The following AP3B1 variants were observed in gnomAD, a reference collection of about 807,000 sequenced individuals.
AP3B1 encodes adaptor related protein complex 3 subunit beta 1.
In AP3B1, 61 loss-of-function variants were observed where a neutral mutation model predicts 132.5. That is an observed-to-expected ratio of 0.46 (90% CI 0.37 to 0.57). AP3B1 has a LOEUF of 0.57. AP3B1 is among the 20% of genes least tolerant of loss of function. AP3B1 has a pLI of 0.00. For missense variants in AP3B1, 1,120 were observed against 1,289.4 expected, an observed-to-expected ratio of 0.87 and a Z score of 2.01; for synonymous variants, 388 against 438.3, an observed-to-expected ratio of 0.89 and a Z score of 1.43.
rs1206367166 is a variant in AP3B1 at position 78,141,202 on chromosome 5, G to C, written c.1591C>G (p.Leu531Val). ...AGATTTAATATCTGCAGTTTTACCAGATCATCTTCACTAGTGAAGCTTTTA... is the reference window on the plus strand; with the variant it reads ...AGATTTAATATCTGCAGTTTTACCACATCATCTTCACTAGTGAAGCTTTTA... The part of the protein sequence containing the change: ...MAKSFTSEDD[L>V]VKLQILNLGA... The change falls in exon 15 of 27, where the codon CTG (leucine) becomes GTG (valine). Residue 531 changes from leucine to valine, a missense_variant. Around this residue, in one of 3 missense-constraint regions of AP3B1, gnomAD observed 906 missense variants for 997.1 expected, o/e 0.91. Coordinates refer to ENST00000255194, the MANE Select transcript of AP3B1 (RefSeq NM_003664.5). The C allele has an allele frequency of 6.2e-7, 1 of 1,613,834 alleles. No homozygotes were observed. The highest frequency in any genetic ancestry group is 8.5e-7 in the Non-Finnish European group (1 of 1,179,796).
At chr5:78,118,878 C>T (rs1454253201) in intron 17 of AP3B1, among the ~76,000 whole-genome samples, 2 of 152,228 alleles carry the variant, frequency 1.3e-5, no homozygotes, top group South Asian at 2.1e-4. Flanking sequence ...ACTGCCTCCT[C>T]AAGTGGGTCC....
chr5:78,188,613 T>C (rs756176693), intron 7 of AP3B1, among the ~76,000 whole-genome samples: 5 of 152,190 alleles, frequency 3.3e-5, no homozygotes, highest in Non-Finnish European at 7.3e-5. Flanking sequence ...ATAGGAATGC[T>C]TTTACACTGT....
intron 14 of AP3B1, among the ~76,000 whole-genome samples, chr5:78,145,166 A>G (rs965076965): frequency 6.6e-6 from 1 of 152,262 alleles, no homozygotes; most frequent in African/African-American, 2.4e-5. Flanking sequence ...TTTAAACTTT[A>G]GTTTTTATAT....
chr5:78,074,155 A>T (rs545403595), intron 22 of AP3B1, among the ~76,000 whole-genome samples: 1 of 152,316 alleles, frequency 6.6e-6, no homozygotes, highest in African/African-American at 2.4e-5. Context: ...CCAACTAAAA[A>T]TTAATAACAA....
At chr5:78,100,057 T>A (rs761925936) in intron 21 of AP3B1, among the ~76,000 whole-genome samples, 7 of 152,148 alleles carry the variant, frequency 4.6e-5, no homozygotes, top group Non-Finnish European at 7.4e-5. Context: ...CTCAAAATCT[T>A]AGCCAATGTG....
At chr5:78,229,425 A>C (rs2112497964) in intron 3 of AP3B1, among the ~76,000 whole-genome samples, 1 of 152,266 alleles carries the variant, frequency 6.6e-6, no homozygotes, top group South Asian at 2.1e-4. Flanking sequence ...ATACCAACAC[A>C]GTATATACCT....
chr5:78,246,559 T>A (rs1398622213), intron 2 of AP3B1, among the ~76,000 whole-genome samples: 1 of 152,228 alleles, frequency 6.6e-6, no homozygotes, highest in Non-Finnish European at 1.5e-5. Context: ...CTAGTTCTTC[T>A]TGAGTAAACA....
rs183608260 is a variant in AP3B1 at position 78,135,931 on chromosome 5, A to G, written c.1650+5212T>C. On this transcript the variant is annotated intron_variant, in intron 15 of 26. Transcript: ENST00000255194. ...AGTCTTTCAACTTTTTCCCCACATA[A>G]AAGTGAAATTACTCCTGTGTGAGAG... Among the ~76,000 whole-genome samples the G allele has an allele frequency of 5.1e-4, 78 of 152,218 alleles. 1 individual carries two copies. The highest frequency in any genetic ancestry group is 1.8e-3 in the African/African-American group (74 of 41,534).
chr5:78,064,802 T>C (rs1187591555), intron 22 of AP3B1, among the ~76,000 whole-genome samples: 1 of 152,180 alleles, frequency 6.6e-6, no homozygotes, highest in Non-Finnish European at 1.5e-5. Context: ...TATTACATGC[T>C]AAGTAATAAA....
At chr5:78,114,191 G>A (rs1751723904) in intron 18 of AP3B1, among the ~76,000 whole-genome samples, 1 of 152,154 alleles carries the variant, frequency 6.6e-6, no homozygotes, top group East Asian at 1.9e-4. Context: ...AACCAAATTT[G>A]AGGGAATCTC....
rs537039602 is a variant in AP3B1, at chr5:78,214,565, G to A, written c.786+1490C>T. 2.2e-3 allele frequency among the ~76,000 whole-genome samples: 340 copies of A among 152,216 alleles called. 1 individual carries two copies. The highest frequency in any genetic ancestry group is 8.0e-3 in the African/African-American group (334 of 41,562). On this transcript the variant is annotated intron_variant, in intron 7 of 26. Coordinates refer to ENST00000255194, the MANE Select transcript of AP3B1 (RefSeq NM_003664.5). ...AAATTTAAAAATTTAAATGGTGACA[G>A]TGATTAGCTAAGGCAAAATTGCCTA...
chr5:78,117,750 C>G (rs967810324), intron 17 of AP3B1, among the ~76,000 whole-genome samples: 6 of 152,106 alleles, frequency 3.9e-5, no homozygotes, highest in African/African-American at 1.4e-4. Context: ...GTATTAGTAA[C>G]AGCATTTACT....
At chr5:78,009,449 C>T (rs1038475908) in intron 26 of AP3B1, among the ~76,000 whole-genome samples, 1 of 151,646 alleles carries the variant, frequency 6.6e-6, no homozygotes, top group South Asian at 2.1e-4. Flanking sequence ...AGAGTGAGAC[C>T]CTGTCTTAAA....
At chr5:78,140,174 A>G (rs939260721) in intron 15 of AP3B1, among the ~76,000 whole-genome samples, 3 of 152,194 alleles carry the variant, frequency 2.0e-5, no homozygotes, top group African/African-American at 7.2e-5. Flanking sequence ...CCTCTTATTA[A>G]CAGCTGCTCA....
chr5:78,145,647 G>A (rs867385946), intron 14 of AP3B1, among the ~76,000 whole-genome samples: 4 of 152,100 alleles, frequency 2.6e-5, no homozygotes, highest in Admixed American at 6.6e-5. Flanking sequence ...TCAGATGAAG[G>A]ATTATTCCTT....
At chr5:78,262,267 G>A (rs1748126546) in intron 2 of AP3B1, among the ~76,000 whole-genome samples, 1 of 151,870 alleles carries the variant, frequency 6.6e-6, no homozygotes, top group African/African-American at 2.4e-5. Context: ...TACTGTTCTT[G>A]TTTTAGTGTT....
At chr5:78,084,947 T>A (rs1218926940) in intron 22 of AP3B1, among the ~76,000 whole-genome samples, 2 of 152,206 alleles carry the variant, frequency 1.3e-5, no homozygotes, top group African/African-American at 4.8e-5. Context: ...AAAAACATCT[T>A]AATAATTGTA....
At chr5:78,144,532 GACA>G (rs1337196155) in intron 14 of AP3B1, among the ~76,000 whole-genome samples, 1 of 152,146 alleles carries the variant, frequency 6.6e-6, no homozygotes, top group Non-Finnish European at 1.5e-5. Context: ...AAAATCAGTA[GACA>G]TCTAAGCAAA....
chr5:78,225,622 A>G lies in AP3B1; in HGVS notation c.537-14T>C. 8 of 1,485,728 alleles carry G rather than the reference A, an allele frequency of 5.4e-6. No homozygotes were observed. Among genetic ancestry groups the G allele is most frequent in the Non-Finnish European group, 7.5e-6 (8 of 1,067,776 alleles). 92.0% of individuals were successfully genotyped at this position (1,485,728 alleles called of 1,614,324 possible). ...TCTGGATCAAGGCTAAAAAATACAA[A>G]AATAACATATTAATTTTTCCCTTTA... On this transcript the variant is annotated splice_polypyrimidine_tract_variant and intron_variant, in intron 5 of 26. Coordinates refer to ENST00000255194, the MANE Select transcript of AP3B1 (RefSeq NM_003664.5).
Sources: gnomAD v4.1 joint callset for allele counts (sites outside exome capture counted in the v4.1 genomes callset) on GRCh38, gnomAD v4.1.1 for gene constraint, gnomAD v4.1.1 regional missense constraint, MANE v1.5 for transcripts, NCBI Gene and HGNC (gene_info 2026-07-23, HGNC 2026-07-21) for gene names.